PAK2: variants seen among roughly 807,000 people sequenced by gnomAD.
PAK2 encodes the protein serine/threonine-protein kinase PAK 2.
A neutral mutation model predicts 65.9 loss-of-function variants in PAK2; 21 were observed. The observed-to-expected ratio is 0.32, with a 90% confidence interval of 0.23 to 0.46. PAK2 has a LOEUF of 0.46. Among genes scored for constraint, PAK2 ranks in the 20% least tolerant of loss-of-function variants. The pLI, the probability that PAK2 is intolerant of heterozygous loss-of-function variation, is 1.00. For missense variants in PAK2, 324 were observed against 642.6 expected (o/e 0.50, Z 5.36); for synonymous variants, 204 against 219.7 (o/e 0.93, Z 0.63).
rs1560111837 is a variant in PAK2, at chr3:196,807,903, T to C, written c.698T>C (p.Met233Thr). Residue 233 changes from methionine to threonine, a missense_variant, in exon 7 of 15, where the codon ATG (methionine) becomes ACG (threonine). Transcript: ENST00000327134. ...ACTAAGATGACAGATGAAGAGATTA[T>C]GGAGAAATTAAGTATGTTATCTACA... The part of the protein sequence containing the change: ...KKTKMTDEEI[M>T]EKLRTIVSIG... The C allele has an allele frequency of 6.3e-7, 1 of 1,588,312 alleles. No homozygotes were observed. The highest frequency in any genetic ancestry group is 1.7e-4 in the Middle Eastern group (1 of 6,022).
rs1386505557 is a variant in PAK2, at chr3:196,801,882, GT to G, written c.188-42del. 3 of 993,268 alleles carry G rather than the reference GT, an allele frequency of 3.0e-6. No homozygotes were observed. The South Asian group carries it at 4.0e-5, about 13-fold the overall frequency. 61.5% of individuals were successfully genotyped at this position (993,268 alleles called of 1,614,324 possible). The stretch of plus-strand genomic sequence containing the variant: ...AATTATAAGTGCCTTTACTAGTCTT[GT>G]TTAAATAGGCTGATTCTTTCTCTTT... On this transcript the variant is annotated intron_variant, in intron 2 of 14. Coordinates refer to ENST00000327134, the MANE Select transcript of PAK2 (RefSeq NM_002577.4).
At chr3:196,762,107 G>C (rs1354222815) in intron 1 of PAK2, among the ~76,000 whole-genome samples, 2 of 133,238 alleles carry the variant, frequency 1.5e-5, no homozygotes, top group Non-Finnish European at 3.3e-5. Flanking sequence ...TGGGGCGGCG[G>C]GGCAGAGGCG....
chr3:196,814,387 C>A, intron 10 of PAK2, 64 bp from the exon 11 acceptor site: 1 of 677,512 alleles, frequency 1.5e-6, no homozygotes. Flanking sequence ...AATTCTTCAA[C>A]ATAGAATACC....
chr3:196,759,502 T>G (rs1713884666), intron 1 of PAK2, among the ~76,000 whole-genome samples: 4 of 11,970 alleles, frequency 3.3e-4, no homozygotes, highest in South Asian at 5.7e-3. Flanking sequence ...TTTTTTGTTT[T>G]TTTTTTTTTT....
At chr3:196,816,812 G>C (rs1213674959) in intron 11 of PAK2, among the ~76,000 whole-genome samples, 2 of 152,174 alleles carry the variant, frequency 1.3e-5, no homozygotes, top group Non-Finnish European at 2.9e-5. Flanking sequence ...GTTCTCGTTT[G>C]TAAGGAAAGG....
At chr3:196,749,886 A>G (rs1366344257) in intron 1 of PAK2, among the ~76,000 whole-genome samples, 1 of 151,746 alleles carries the variant, frequency 6.6e-6, no homozygotes, top group African/African-American at 2.4e-5. Flanking sequence ...TAGTGGCACG[A>G]TGAGAACTCA....
At chr3:196,766,931 C>T (rs894622870) in intron 1 of PAK2, among the ~76,000 whole-genome samples, 5 of 134,342 alleles carry the variant, frequency 3.7e-5, no homozygotes, top group Non-Finnish European at 7.9e-5. Context: ...AAGTACACCC[C>T]GTGTGTGTGT....
chr3:196,745,119 C>CT lies in PAK2; in HGVS notation c.-22+4976dup, dbSNP rs34651855. 5.4e-3 allele frequency among the ~76,000 whole-genome samples: 726 copies of CT among 135,602 alleles called. 9 individuals carry two copies. The highest frequency in any genetic ancestry group is 0.032 in the East Asian group (154 of 4,800). 89.0% of individuals were successfully genotyped at this position (135,602 alleles called of 152,430 possible). A position where few individuals can be genotyped will look rare whatever the true frequency, so the allele number is the denominator to read the frequency against. On this transcript the variant is annotated intron_variant, in intron 1 of 14. Coordinates refer to ENST00000327134, the MANE Select transcript of PAK2 (RefSeq NM_002577.4). ...CTTTTAATAATTATTGTGTTTCAAT[C>CT]TTTTTTTTTTTTTTGTGACAGAGTC...
At chr3:196,804,048 T>C (rs1715501836) in intron 4 of PAK2, among the ~76,000 whole-genome samples, 1 of 152,162 alleles carries the variant, frequency 6.6e-6, no homozygotes, top group African/African-American at 2.4e-5. Flanking sequence ...AGAAACAAGA[T>C]CATTTGTCCT....
intron 1 of PAK2, among the ~76,000 whole-genome samples, chr3:196,779,481 G>A (rs1714638683): frequency 6.6e-6 from 1 of 152,080 alleles, no homozygotes; most frequent in Non-Finnish European, 1.5e-5. Flanking sequence ...GGTGGAAACA[G>A]GATTCCATGC....
intron 1 of PAK2, among the ~76,000 whole-genome samples, chr3:196,781,776 T>C (rs1714722597): frequency 6.6e-6 from 1 of 152,178 alleles, no homozygotes; most frequent in Admixed American, 6.5e-5. Context: ...GAGACCAGCC[T>C]GGGCAACGTA....
At chr3:196,753,571 C>T (rs1420767849) in intron 1 of PAK2, among the ~76,000 whole-genome samples, 1 of 152,184 alleles carries the variant, frequency 6.6e-6, no homozygotes, top group African/African-American at 2.4e-5. Context: ...GAATTCATTG[C>T]TCATTGCCAG....
At chr3:196,827,494 A>G in intron 14 of PAK2, 161 bp downstream of exon 14, 9 of 960,304 alleles carry the variant, frequency 9.4e-6, no homozygotes, top group Non-Finnish European at 1.1e-5. Context: ...TGAGCAAACT[A>G]CCGCAAGGAC....
chr3:196,750,209 C>G (rs184314508), intron 1 of PAK2, among the ~76,000 whole-genome samples: 2 of 151,964 alleles, frequency 1.3e-5, no homozygotes, highest in Non-Finnish European at 2.9e-5. Flanking sequence ...AGGTTGGTCT[C>G]GAACTCCTGA....
At chr3:196,794,763 A>G (rs1715194179) in intron 2 of PAK2, among the ~76,000 whole-genome samples, 1 of 152,160 alleles carries the variant, frequency 6.6e-6, no homozygotes, top group Non-Finnish European at 1.5e-5. Flanking sequence ...TAGGAGGTTT[A>G]TTCCACAGGA....
At chr3:196,770,189 T>G (rs1714317384) in intron 1 of PAK2, among the ~76,000 whole-genome samples, 1 of 151,936 alleles carries the variant, frequency 6.6e-6, no homozygotes, top group South Asian at 2.1e-4. Context: ...CCCAGGAGGT[T>G]TAGACCGCAG....
intron 2 of PAK2, among the ~76,000 whole-genome samples, chr3:196,790,109 A>T (rs1382354602): frequency 2.0e-5 from 3 of 152,250 alleles, no homozygotes; most frequent in Non-Finnish European, 4.4e-5. Context: ...GCTATTACAC[A>T]TCAAAAGAAC....
At chr3:196,819,461 A>T (rs1308019186) in intron 12 of PAK2, among the ~76,000 whole-genome samples, 1 of 152,136 alleles carries the variant, frequency 6.6e-6, no homozygotes, top group Non-Finnish European at 1.5e-5. Flanking sequence ...AAAATAAAAA[A>T]TTTTTTAAAT....
intron 1 of PAK2, among the ~76,000 whole-genome samples, chr3:196,773,902 C>T (rs906142423): frequency 2.0e-5 from 3 of 150,876 alleles, no homozygotes; most frequent in African/African-American, 4.9e-5. Context: ...ATTAGCCGGG[C>T]GTGGTGGCGC....
Sources: allele counts gnomAD v4.1 joint callset (sites outside exome capture counted in the v4.1 genomes callset), GRCh38; gene constraint gnomAD v4.1.1; transcripts MANE v1.5; gene names NCBI Gene and HGNC (gene_info 2026-07-23, HGNC 2026-07-21).